Variants in NDUFS4 observed in about 807,000 individuals in gnomAD.
NDUFS4 encodes the protein NADH dehydrogenase [ubiquinone] iron-sulfur protein 4, mitochondrial.
In NDUFS4, 28 loss-of-function variants were observed where a neutral mutation model predicts 24.3. That is an observed-to-expected ratio of 1.15 (90% CI 0.85 to 1.58). The LOEUF (loss-of-function observed/expected upper bound fraction) is 1.58, where lower values mean the gene tolerates loss of function less well. Ranked by LOEUF, NDUFS4 falls within the 40% of genes most tolerant of loss-of-function variation. The pLI is 0.00. For synonymous variants in NDUFS4, 93 were observed against 69.7 expected (o/e 1.34, Z -1.67); for missense variants, 223 against 207.9 (o/e 1.07, Z -0.45).
At chr5:53,622,741 T>C (rs1035126788) in intron 2 of NDUFS4, among the ~76,000 whole-genome samples, 2 of 152,178 alleles carry the variant, frequency 1.3e-5, no homozygotes, top group Non-Finnish European at 2.9e-5. Flanking sequence ...TGTTAAAATA[T>C]ACATTGCACA....
chr5:53,649,540 T>C (rs1751959274), intron 3 of NDUFS4, among the ~76,000 whole-genome samples: 1 of 152,236 alleles, frequency 6.6e-6, no homozygotes, highest in Non-Finnish European at 1.5e-5. Flanking sequence ...ATGATTTGAT[T>C]CTTTTTTATT....
chr5:53,664,763 G>T (rs905506486), intron 4 of NDUFS4, among the ~76,000 whole-genome samples: 1 of 151,968 alleles, frequency 6.6e-6, no homozygotes, highest in Non-Finnish European at 1.5e-5. Context: ...TAACTTCTTT[G>T]CCATGGTTTC....
chr5:53,584,199 G>A (rs1006657838), intron 1 of NDUFS4, among the ~76,000 whole-genome samples: 3 of 152,060 alleles, frequency 2.0e-5, no homozygotes, highest in African/African-American at 7.2e-5. Flanking sequence ...CTGCCTTCTC[G>A]CAATAAACTA....
intron 4 of NDUFS4, among the ~76,000 whole-genome samples, chr5:53,667,445 A>G (rs1328512006): frequency 6.6e-6 from 1 of 151,048 alleles, no homozygotes. Flanking sequence ...AGCCTGGGCA[A>G]CAAGCTCCAG....
At chr5:53,625,794 G>C (rs1751201701) in intron 2 of NDUFS4, among the ~76,000 whole-genome samples, 1 of 151,756 alleles carries the variant, frequency 6.6e-6, no homozygotes, top group Non-Finnish European at 1.5e-5. Context: ...CATATTTATA[G>C]TCATTATTTA....
intron 1 of NDUFS4, among the ~76,000 whole-genome samples, chr5:53,588,640 C>A (rs1448062892): frequency 6.6e-6 from 1 of 152,098 alleles, no homozygotes. Flanking sequence ...ATTCATTATT[C>A]TTAATGATGT....
intron 2 of NDUFS4, among the ~76,000 whole-genome samples, chr5:53,607,418 AC>A (rs1325673907): frequency 5.3e-5 from 8 of 152,226 alleles, no homozygotes; most frequent in Non-Finnish European, 4.4e-5. Flanking sequence ...CACAAAATAT[AC>A]CCAGGTAACA....
At chr5:53,653,602 G>A (rs1365269982) in intron 3 of NDUFS4, among the ~76,000 whole-genome samples, 1 of 151,880 alleles carries the variant, frequency 6.6e-6, no homozygotes, top group Admixed American at 6.6e-5. Context: ...ACATATAAGC[G>A]AGGAATGTTA....
chr5:53,618,539 G>A (rs1007645389), intron 2 of NDUFS4, among the ~76,000 whole-genome samples: 12 of 152,094 alleles, frequency 7.9e-5, no homozygotes, highest in African/African-American at 2.7e-4. Context: ...GTATGTACAT[G>A]TATAGTTGGT....
intron 1 of NDUFS4, among the ~76,000 whole-genome samples, chr5:53,590,674 T>C (rs1749922109): frequency 1.3e-5 from 2 of 152,218 alleles, no homozygotes; most frequent in African/African-American, 4.8e-5. Flanking sequence ...ATAAATCTTC[T>C]TCATCTTTGA....
At chr5:53,654,461 AT>A (rs1188083615) in intron 3 of NDUFS4, among the ~76,000 whole-genome samples, 1 of 152,050 alleles carries the variant, frequency 6.6e-6, no homozygotes, top group East Asian at 1.9e-4. Context: ...GCTATTTGGC[AT>A]TTCTTACCTC....
intron 1 of NDUFS4, among the ~76,000 whole-genome samples, chr5:53,583,633 A>G (rs911254426): frequency 1.3e-5 from 2 of 152,236 alleles, no homozygotes; most frequent in Admixed American, 1.3e-4. Context: ...GTTCAATTCT[A>G]TGTATTTTGG....
intron 3 of NDUFS4, among the ~76,000 whole-genome samples, chr5:53,658,223 T>C (rs1025756550): frequency 2.0e-5 from 3 of 152,224 alleles, no homozygotes; most frequent in Admixed American, 2.0e-4. Flanking sequence ...GTAATCTTGA[T>C]AGTAAATTTT....
chr5:53,619,561 TA>T (rs1750966809), intron 2 of NDUFS4, among the ~76,000 whole-genome samples: 1 of 148,090 alleles, frequency 6.8e-6, no homozygotes. Context: ...AAAAGATACA[TA>T]TTTTTTAAAA....
intron 1 of NDUFS4, among the ~76,000 whole-genome samples, chr5:53,567,378 C>G (rs1180128985): frequency 1.3e-5 from 2 of 152,154 alleles, no homozygotes; most frequent in African/African-American, 4.8e-5. Flanking sequence ...CTTATCTTTA[C>G]TGTTGCTGCA....
intron 2 of NDUFS4, among the ~76,000 whole-genome samples, chr5:53,611,455 C>T (rs1202350069): frequency 4.0e-5 from 6 of 151,702 alleles, no homozygotes; most frequent in Non-Finnish European, 8.8e-5. Flanking sequence ...TCTAATTAGT[C>T]AATTTTAGTT....
chr5:53,594,021 G>T (rs1479522600), intron 1 of NDUFS4, among the ~76,000 whole-genome samples: 1 of 152,120 alleles, frequency 6.6e-6, no homozygotes, highest in Non-Finnish European at 1.5e-5. Flanking sequence ...TTTTGCCATT[G>T]TTAGATAAAG....
At chr5:53,674,966 T>C (rs2111586447) in intron 4 of NDUFS4, among the ~76,000 whole-genome samples, 1 of 152,192 alleles carries the variant, frequency 6.6e-6, no homozygotes, top group Non-Finnish European at 1.5e-5. Context: ...CGATATGAAC[T>C]TGAAGTCTCA....
chr5:53,573,541 A>G (rs1749284857), intron 1 of NDUFS4: 2 of 449,444 alleles, frequency 4.4e-6, no homozygotes, highest in Admixed American at 4.8e-5. Context: ...AACTATCTCA[A>G]TTTGGGGGAG....
Sources: allele counts gnomAD v4.1 joint callset (sites outside exome capture counted in the v4.1 genomes callset), GRCh38; gene constraint gnomAD v4.1.1; transcripts MANE v1.5; gene names NCBI Gene and HGNC (gene_info 2026-07-23, HGNC 2026-07-21).